CIRSR: variants seen among roughly 807,000 people sequenced by gnomAD.
CIRSR encodes CBF1 (RBPJ) interacting corepressor 1.
chr2:174,351,587 C>T, the CIRSR span: 4 of 1,541,556 alleles, frequency 2.6e-6, no homozygotes, highest in Non-Finnish European at 3.6e-6. Context: ...GATTTATAGA[C>T]ATTTTCAGCT....
the CIRSR span, among the ~76,000 whole-genome samples, chr2:174,379,769 G>A: frequency 7.1e-6 from 1 of 140,016 alleles, no homozygotes; most frequent in Non-Finnish European, 1.5e-5. Context: ...TATTGCCCAG[G>A]CTGGAGTGCA....
chr2:174,386,211 C>T, the CIRSR span, among the ~76,000 whole-genome samples: 1 of 152,020 alleles, frequency 6.6e-6, no homozygotes, highest in Admixed American at 6.6e-5. Flanking sequence ...GACGGAGTTT[C>T]GCTCTTGTTG....
chr2:174,394,831 T>C, the CIRSR span, among the ~76,000 whole-genome samples: 4 of 152,236 alleles, frequency 2.6e-5, no homozygotes, highest in Non-Finnish European at 4.4e-5. Flanking sequence ...GACACAGTGA[T>C]AGATGCCTAC....
chr2:174,382,483 A>G, the CIRSR span, among the ~76,000 whole-genome samples: 1 of 152,156 alleles, frequency 6.6e-6, no homozygotes, highest in Non-Finnish European at 1.5e-5. Context: ...TACCAAAAAT[A>G]CAAAAATTAG....
At chr2:174,355,896 T>C in the CIRSR span, among the ~76,000 whole-genome samples, 2 of 152,144 alleles carry the variant, frequency 1.3e-5, no homozygotes, top group African/African-American at 4.8e-5. Flanking sequence ...GGAGGGAGAC[T>C]AAAGCTGAAG....
the CIRSR span, among the ~76,000 whole-genome samples, chr2:174,355,726 C>A: frequency 6.6e-6 from 1 of 151,914 alleles, no homozygotes; most frequent in Non-Finnish European, 1.5e-5. Context: ...TTTTACAGAA[C>A]AAAAACAATG....
the CIRSR span, among the ~76,000 whole-genome samples, chr2:174,373,924 C>T: frequency 1.3e-5 from 2 of 152,088 alleles, no homozygotes; most frequent in East Asian, 1.9e-4. Flanking sequence ...ATTAATTTTG[C>T]TTACAATGGT....
chr2:174,348,896 A>C, the CIRSR span: 5 of 1,613,972 alleles, frequency 3.1e-6, no homozygotes, highest in Non-Finnish European at 4.2e-6. Flanking sequence ...GTTCTTCATG[A>C]AGCTTTCTCT....
chr2:174,383,581 G>A, the CIRSR span, among the ~76,000 whole-genome samples: 52 of 151,600 alleles, frequency 3.4e-4, no homozygotes, highest in Non-Finnish European at 6.6e-4. Context: ...TTAGCCGGGC[G>A]TGGTGGCAGG....
chr2:174,350,887 G>T, the CIRSR span: 1 of 627,262 alleles, frequency 1.6e-6, no homozygotes, highest in Non-Finnish European at 2.6e-6. Context: ...AAGTGGGAGA[G>T]AATTAAAAAA....
chr2:174,380,804 C>T, the CIRSR span: 3 of 1,597,440 alleles, frequency 1.9e-6, no homozygotes, highest in East Asian at 4.5e-5. Context: ...AGTACTTTAC[C>T]TCTTTGTTTT....
the CIRSR span, chr2:174,380,806 CTT>C: frequency 3.6e-5 from 58 of 1,594,898 alleles, no homozygotes; most frequent in Non-Finnish European, 4.3e-5. Flanking sequence ...TACTTTACCT[CTT>C]TGTTTTCTTG....
At chr2:174,354,442 TATATTATATA>T in the CIRSR span, among the ~76,000 whole-genome samples, 35 of 15,898 alleles carry the variant, frequency 2.2e-3, no homozygotes, top group South Asian at 0.02. Context: ...ATATATATAA[TATATTATATA>T]ATATAATATA....
the CIRSR span, among the ~76,000 whole-genome samples, chr2:174,377,572 T>C: frequency 6.6e-6 from 1 of 152,032 alleles, no homozygotes; most frequent in African/African-American, 2.4e-5. Flanking sequence ...ATCCCAGCAC[T>C]TTGGGAGGCC....
At chr2:174,354,544 T>C in the CIRSR span, among the ~76,000 whole-genome samples, 1 of 43,182 alleles carries the variant, frequency 2.3e-5, no homozygotes, top group Non-Finnish European at 4.0e-5. Flanking sequence ...ATATAATATA[T>C]ATTATATTAT....
chr2:174,351,877 T>A, the CIRSR span: 1 of 497,238 alleles, frequency 2.0e-6, no homozygotes, highest in African/African-American at 2.0e-5. Context: ...AGATATGATT[T>A]TCTAAAACAG....
chr2:174,381,566 T>C, the CIRSR span: 4 of 595,678 alleles, frequency 6.7e-6, no homozygotes, highest in Non-Finnish European at 1.2e-5. Flanking sequence ...GGCAGGAGAA[T>C]TGCTCCAACT....
chr2:174,382,593 C>T, the CIRSR span, among the ~76,000 whole-genome samples: 1 of 152,010 alleles, frequency 6.6e-6, no homozygotes, highest in African/African-American at 2.4e-5. Flanking sequence ...GAGCCGAGAT[C>T]GTGCCACTGG....
At chr2:174,361,506 A>G in the CIRSR span, among the ~76,000 whole-genome samples, 1 of 152,252 alleles carries the variant, frequency 6.6e-6, no homozygotes, top group Admixed American at 6.5e-5. Context: ...CCAAGCAACA[A>G]AAATGCCTTC....
Sources: allele counts gnomAD v4.1 joint callset (sites outside exome capture counted in the v4.1 genomes callset), GRCh38; gene constraint gnomAD v4.1.1; transcripts MANE v1.5; gene names NCBI Gene and HGNC (gene_info 2026-07-23, HGNC 2026-07-21).